Variants in MACROD2 observed in about 807,000 individuals in gnomAD.
MACROD2 encodes ADP-ribose glycohydrolase MACROD2.
Under a neutral mutation model 70.4 loss-of-function variants are expected in MACROD2, and 36 were observed. That is an observed-to-expected ratio of 0.51 (90% CI 0.39 to 0.68). The LOEUF (loss-of-function observed/expected upper bound fraction) is 0.68. Among genes scored for constraint, MACROD2 ranks in the 30% least tolerant of loss-of-function variants. MACROD2 has a pLI of 0.00. For synonymous variants in MACROD2, 172 were observed against 178.8 expected (o/e 0.96, Z 0.30); for missense variants, 496 against 538.4 (o/e 0.92, Z 0.78).
chr20:15,898,700 G>C (rs2065014234), intron 10 of MACROD2, among the ~76,000 whole-genome samples: 1 of 151,976 alleles, frequency 6.6e-6, no homozygotes. Flanking sequence ...CTTGAGTCTA[G>C]GTTACCTGGG....
At chr20:14,275,087 A>G (rs1416969697) in intron 3 of MACROD2, among the ~76,000 whole-genome samples, 1 of 152,226 alleles carries the variant, frequency 6.6e-6, no homozygotes, top group Non-Finnish European at 1.5e-5. Context: ...TGCCATCCCC[A>G]TCAAGCTACC....
At chr20:15,470,208 C>T (rs2046946736) in intron 7 of MACROD2, among the ~76,000 whole-genome samples, 1 of 152,090 alleles carries the variant, frequency 6.6e-6, no homozygotes, top group Non-Finnish European at 1.5e-5. Context: ...TGCCACCACA[C>T]CCAGCTAATT....
chr20:15,775,003 A>G (rs2051697187), intron 8 of MACROD2, among the ~76,000 whole-genome samples: 1 of 152,106 alleles, frequency 6.6e-6, no homozygotes, highest in South Asian at 2.1e-4. Flanking sequence ...TGTTTCTCAT[A>G]AAGGGTTGCA....
intron 5 of MACROD2, among the ~76,000 whole-genome samples, chr20:14,715,453 A>T (rs994390163): frequency 3.3e-5 from 5 of 152,212 alleles, no homozygotes; most frequent in African/African-American, 7.2e-5. Context: ...CACTGATTTT[A>T]AAAAAGTGTT....
rs113472326 is a variant in MACROD2, at chr20:15,016,449, G to A, written c.419-213491G>A. 3.2e-3 allele frequency among the ~76,000 whole-genome samples: 483 copies of A among 152,078 alleles called. 4 individuals carry two copies. Among genetic ancestry groups the A allele is most frequent in the African/African-American group, 0.011 (458 of 41,500 alleles). On this transcript the variant is annotated intron_variant, in intron 5 of 17. Coordinates refer to ENST00000684519, the MANE Select transcript of MACROD2 (RefSeq NM_001351661.2). The stretch of plus-strand genomic sequence containing the variant: ...CCAAATCTCATGTTGGAATGTGATC[G>A]CAATGTTAGAGGTAGAGCCTAGTCG...
At chr20:14,086,856 A>C (rs979430699) in intron 3 of MACROD2, among the ~76,000 whole-genome samples, 2 of 152,188 alleles carry the variant, frequency 1.3e-5, no homozygotes, top group African/African-American at 4.8e-5. Flanking sequence ...CCCAGAACAC[A>C]AAAGGGTAGG....
chr20:15,642,108 A>C (rs1906571462), intron 8 of MACROD2, among the ~76,000 whole-genome samples: 1 of 152,206 alleles, frequency 6.6e-6, no homozygotes, highest in African/African-American at 2.4e-5. Context: ...AAAAATGAGA[A>C]CATAAAGAAA....
chr20:15,332,615 A>G (rs2146193346), intron 6 of MACROD2, among the ~76,000 whole-genome samples: 1 of 86,586 alleles, frequency 1.2e-5, no homozygotes, highest in Admixed American at 1.1e-4. Flanking sequence ...GGCCGTTCCT[A>G]CAGCCCCTTT....
intron 5 of MACROD2, among the ~76,000 whole-genome samples, chr20:14,951,134 A>G (rs168481): frequency 0.32 from 48,075 of 151,726 alleles, 8,418 homozygotes; most frequent in African/African-American, 0.46. Context: ...GGTTAGAGCC[A>G]TGGTTTACTG....
intron 8 of MACROD2, among the ~76,000 whole-genome samples, chr20:15,689,198 G>A (rs545591388): frequency 0.041 from 6,271 of 152,100 alleles, 445 homozygotes; most frequent in African/African-American, 0.14. Flanking sequence ...CAGCTACTCA[G>A]GAGGCTGAGG....
chr20:15,921,838 C>G (rs993878938), intron 10 of MACROD2, among the ~76,000 whole-genome samples: 3 of 152,160 alleles, frequency 2.0e-5, no homozygotes, highest in Admixed American at 2.0e-4. Context: ...GGGGAGGAAA[C>G]AAAAACAGGT....
intron 2 of MACROD2, among the ~76,000 whole-genome samples, chr20:14,066,872 C>T (rs539397098): frequency 1.2e-4 from 16 of 133,682 alleles, no homozygotes; most frequent in African/African-American, 2.0e-4. Context: ...AGAGCAGTGG[C>T]GCCGTCTTGG....
intron 5 of MACROD2, among the ~76,000 whole-genome samples, chr20:14,837,183 A>G (rs2073039031): frequency 2.0e-5 from 3 of 152,180 alleles, no homozygotes; most frequent in African/African-American, 7.2e-5. Flanking sequence ...GAAAATAATA[A>G]ATATCTAAAA....
At chr20:14,373,539 T>A (rs1194596368) in intron 3 of MACROD2, among the ~76,000 whole-genome samples, 2 of 152,172 alleles carry the variant, frequency 1.3e-5, no homozygotes, top group Non-Finnish European at 2.9e-5. Flanking sequence ...TCCCTCACTC[T>A]AGCCCCTATA....
chr20:15,661,543 C>T (rs1262797032), intron 8 of MACROD2, among the ~76,000 whole-genome samples: 3 of 152,152 alleles, frequency 2.0e-5, no homozygotes, highest in Non-Finnish European at 2.9e-5. Flanking sequence ...AAGCCATTCA[C>T]GAGGGAACAG....
chr20:15,998,203 G>A (rs1392505817), intron 15 of MACROD2, among the ~76,000 whole-genome samples: 1 of 152,160 alleles, frequency 6.6e-6, no homozygotes, highest in African/African-American at 2.4e-5. Context: ...AAATGAATTT[G>A]GAAATGTTCC....
At chr20:15,913,891 G>T (rs1397604165) in intron 10 of MACROD2, among the ~76,000 whole-genome samples, 2 of 152,180 alleles carry the variant, frequency 1.3e-5, no homozygotes, top group African/African-American at 4.8e-5. Context: ...ATTTGTGGGT[G>T]GCCAAGTGAA....
intron 8 of MACROD2, among the ~76,000 whole-genome samples, chr20:15,831,126 A>G (rs2064051579): frequency 6.6e-6 from 1 of 152,054 alleles, no homozygotes; most frequent in East Asian, 1.9e-4. Context: ...TAATAATAAC[A>G]CCCTGGATTT....
At chr20:14,917,070 C>T (rs1173783096) in intron 5 of MACROD2, among the ~76,000 whole-genome samples, 1 of 151,540 alleles carries the variant, frequency 6.6e-6, no homozygotes, top group Non-Finnish European at 1.5e-5. Flanking sequence ...CCTTTTCTTC[C>T]TCGGGGTGGA....
Sources: allele counts gnomAD v4.1 joint callset (sites outside exome capture counted in the v4.1 genomes callset), GRCh38; gene constraint gnomAD v4.1.1; transcripts MANE v1.5; gene names NCBI Gene and HGNC (gene_info 2026-07-23, HGNC 2026-07-21).